The following CACHD1 variants were observed in gnomAD, a reference collection of about 807,000 sequenced individuals.
CACHD1 encodes VWFA and cache domain-containing protein 1.
A neutral mutation model predicts 138.7 loss-of-function variants in CACHD1; 71 were observed. The ratio of observed to expected loss-of-function variants is 0.51; its 90% CI spans 0.42 to 0.62. The LOEUF (loss-of-function observed/expected upper bound fraction) is 0.62. Ranked by LOEUF, CACHD1 falls within the 20% of genes least tolerant of loss-of-function variation. The pLI is 0.00. For missense variants in CACHD1, 1,389 were observed against 1,625.3 expected (o/e 0.85, Z 2.50); for synonymous variants, 578 against 591.5 (o/e 0.98, Z 0.33).
At chr1:64,557,323 T>A (rs1646806272) in intron 2 of CACHD1, among the ~76,000 whole-genome samples, 1 of 152,174 alleles carries the variant, frequency 6.6e-6, no homozygotes, top group Non-Finnish European at 1.5e-5. Flanking sequence ...CACCTTGGAC[T>A]TGTTTCAAGA....
chr1:64,681,229 C>T lies in CACHD1; in HGVS notation c.3407-29C>T, dbSNP rs139943919. 1,805 of 1,565,328 alleles carry T rather than the reference C, an allele frequency of 1.2e-3. 19 individuals are homozygous for T. The African/African-American group carries it at 0.021, about 18-fold the overall frequency. On this transcript the variant is annotated intron_variant, in intron 24 of 26. Coordinates refer to ENST00000651257, the MANE Select transcript of CACHD1 (RefSeq NM_020925.4). ...GGGTGATTTTGTTTGATTAAATAGT[C>T]ATGTTTCTCTCTTTTTAATGATGGG...
At chr1:64,532,543 C>T (rs1396485001) in intron 1 of CACHD1, among the ~76,000 whole-genome samples, 2 of 152,026 alleles carry the variant, frequency 1.3e-5, no homozygotes, top group Non-Finnish European at 2.9e-5. Context: ...GTACCAAGGC[C>T]CTGCAGCTGG....
intron 24 of CACHD1, among the ~76,000 whole-genome samples, chr1:64,681,025 C>T (rs1358164894): frequency 1.3e-5 from 2 of 152,112 alleles, no homozygotes; most frequent in Admixed American, 1.3e-4. Context: ...TTTTCTCCTC[C>T]TTTCTCAGAA....
At chr1:64,659,028 G>C (rs993951888) in intron 13 of CACHD1, among the ~76,000 whole-genome samples, 155 bp downstream of exon 13, 1 of 152,094 alleles carries the variant, frequency 6.6e-6, no homozygotes, top group East Asian at 1.9e-4. Flanking sequence ...TTTGAAGCCT[G>C]GCCTCAAATC....
chr1:64,494,062 T>C (rs1646293230), intron 1 of CACHD1, among the ~76,000 whole-genome samples: 2 of 152,234 alleles, frequency 1.3e-5, no homozygotes, highest in South Asian at 2.1e-4. Context: ...GCGGCCAGCG[T>C]TGGAATGTGG....
At chr1:64,632,575 C>A (rs760203191) in intron 5 of CACHD1, 24 bp from the exon 6 acceptor site, 1 of 1,612,856 alleles carries the variant, frequency 6.2e-7, no homozygotes, top group South Asian at 1.1e-5. Flanking sequence ...AAGACTGACC[C>A]CAGAGAGCTT....
rs1299533130 is a variant in CACHD1 at position 64,653,389 on chromosome 1, A to T, written c.1541-369A>T. On this transcript the variant is annotated intron_variant, in intron 10 of 26. Coordinates refer to ENST00000651257, the MANE Select transcript of CACHD1 (RefSeq NM_020925.4). ...TACCCCTGAAGTTAAAAGAAGTTAAAAAAAAAAAAAAAAAAAAAAGAAGAA... is the reference window on the plus strand; with the variant it reads ...TACCCCTGAAGTTAAAAGAAGTTAATAAAAAAAAAAAAAAAAAAAGAAGAA... Among the ~76,000 whole-genome samples, 11 of 95,584 alleles carry T rather than the reference A, an allele frequency of 1.2e-4. 1 individual carries two copies. Among genetic ancestry groups the T allele is most frequent in the Admixed American group, 8.9e-4 (8 of 9,018 alleles). The allele number at this position is 95,584 out of a possible 152,430, so 62.7% of individuals were successfully genotyped here. A position where few individuals can be genotyped will look rare whatever the true frequency, so the allele number is the denominator to read the frequency against.
chr1:64,643,069 A>G (rs1648779524), intron 8 of CACHD1, among the ~76,000 whole-genome samples: 1 of 111,704 alleles, frequency 9.0e-6, no homozygotes, highest in African/African-American at 3.1e-5. Flanking sequence ...AAAAAAAAAA[A>G]AAGCCATGTC....
At chr1:64,681,210 T>A in intron 24 of CACHD1, 48 bp from the exon 25 acceptor site, 1 of 1,441,214 alleles carries the variant, frequency 6.9e-7, no homozygotes, top group Non-Finnish European at 9.8e-7. Context: ...AAGCGGGTGA[T>A]TTTGTTTGAT....
intron 2 of CACHD1, among the ~76,000 whole-genome samples, chr1:64,565,148 C>T (rs1031034626): frequency 1.3e-5 from 2 of 151,022 alleles, no homozygotes; most frequent in Admixed American, 1.3e-4. Flanking sequence ...TCAGACTTGT[C>T]CAGGCTGCAG....
intron 20 of CACHD1, 48 bp from the exon 21 acceptor site, chr1:64,675,847 TAC>T: frequency 8.3e-7 from 1 of 1,211,062 alleles, no homozygotes; most frequent in Non-Finnish European, 1.2e-6. Context: ...ATGTACAACT[TAC>T]AGTTTGCCAT....
At chr1:64,510,072 CT>C (rs909466593) in intron 1 of CACHD1, among the ~76,000 whole-genome samples, 2 of 152,150 alleles carry the variant, frequency 1.3e-5, no homozygotes, top group African/African-American at 4.8e-5. Context: ...CTAGTTAAAA[CT>C]GCTTTTTAAG....
chr1:64,541,692 C>T (rs564898968), intron 1 of CACHD1, among the ~76,000 whole-genome samples: 50 of 152,206 alleles, frequency 3.3e-4, no homozygotes, highest in African/African-American at 1.2e-3. Context: ...ATTAGCTAGG[C>T]GTGCTGGTAC....
At chr1:64,485,269 T>C (rs543318476) in intron 1 of CACHD1, among the ~76,000 whole-genome samples, 1 of 152,302 alleles carries the variant, frequency 6.6e-6, no homozygotes, top group South Asian at 2.1e-4. Context: ...TACAACAGTA[T>C]CATCACCCCC....
intron 3 of CACHD1, among the ~76,000 whole-genome samples, chr1:64,593,275 T>G (rs1647122311): frequency 6.6e-6 from 1 of 152,228 alleles, no homozygotes. Flanking sequence ...GTTGTATTAA[T>G]GTACAGTTTT....
chr1:64,583,246 A>G (rs1396000139), intron 3 of CACHD1, among the ~76,000 whole-genome samples: 1 of 152,120 alleles, frequency 6.6e-6, no homozygotes, highest in Non-Finnish European at 1.5e-5. Flanking sequence ...TTATTTCTCC[A>G]TTTATATGAT....
chr1:64,569,761 G>GGA lies in CACHD1; in HGVS notation c.262-12395_262-12394insGA, dbSNP rs1553134226. Reference sequence around the variant, plus strand: ...TCTTCTTTCAGTGAAGCAGACCCTTGAAAAAAACATGGATCTGGGCTTTTT... The same window carrying GGA: ...TCTTCTTTCAGTGAAGCAGACCCTTGGAAAAAAAACATGGATCTGGGCTTTTT... On this transcript the variant is annotated intron_variant, in intron 2 of 26. Transcript: ENST00000651257. 8.5e-4 allele frequency among the ~76,000 whole-genome samples: 129 copies of GGA among 151,978 alleles called. 1 individual carries two copies. The highest frequency in any genetic ancestry group is 5.3e-4 in the Non-Finnish European group (36 of 67,972).
At chr1:64,477,425 A>T (rs1646179984) in intron 1 of CACHD1, among the ~76,000 whole-genome samples, 1 of 152,110 alleles carries the variant, frequency 6.6e-6, no homozygotes, top group Admixed American at 6.5e-5. Flanking sequence ...AGTCATAGTT[A>T]TTTCTTTAGT....
intron 2 of CACHD1, among the ~76,000 whole-genome samples, chr1:64,578,996 G>C (rs1646990842): frequency 6.6e-6 from 1 of 152,128 alleles, no homozygotes; most frequent in African/African-American, 2.4e-5. Context: ...ACTACACTAG[G>C]ATTATGGCAC....
Sources: allele counts gnomAD v4.1 joint callset (sites outside exome capture counted in the v4.1 genomes callset), GRCh38; gene constraint gnomAD v4.1.1; transcripts MANE v1.5; gene names NCBI Gene and HGNC (gene_info 2026-07-23, HGNC 2026-07-21).